Variants in BICDL2 observed in about 807,000 individuals in gnomAD.
The protein encoded by BICDL2 is BICD family like cargo adaptor 2, also known as BICD family-like cargo adapter 2.
In BICDL2, 62 loss-of-function variants were observed where a neutral mutation model predicts 56.6. The observed-to-expected ratio is 1.10, with a 90% CI of 0.89 to 1.35. BICDL2 has a LOEUF of 1.35. Ranked by LOEUF, BICDL2 falls within the 40% of genes most tolerant of loss-of-function variation. The probability of loss-of-function intolerance (pLI) is 0.00; values close to 1 mark genes in which losing one functional copy is unlikely to be tolerated. For synonymous variants in BICDL2, 358 were observed against 319.8 expected (o/e 1.12, Z -1.27); for missense variants, 808 against 684.5 (o/e 1.18, Z -2.01).
intron 1 of BICDL2, 196 bp from the exon 2 acceptor site, chr16:3,035,722 A>C (rs1274105762): frequency 5.2e-6 from 3 of 581,510 alleles, no homozygotes; most frequent in Non-Finnish European, 9.1e-6. Context: ...CAGGAAGCAG[A>C]AGGAAATGAC....
In BICDL2 at chr16:3,030,473, C is replaced by A. The variant is rs760793889; in HGVS notation, c.738G>T (p.Arg246=). Residue 246 remains arginine (R), a synonymous_variant, in exon 5 of 10, where the codon CGG becomes CGT. Coordinates refer to ENST00000572449, the MANE Select transcript of BICDL2 (RefSeq NM_001369667.1). ...TTHEELLLLR[R]ERREHSLELE... ...CCTCCAGGCTGTGCTCCCGCCGCTC[C>A]CGCCTCAGCAGCAGCAACTCCTCGT... 5 of 1,603,654 alleles carry A rather than the reference C, an allele frequency of 3.1e-6. No homozygotes were observed.
intron 2 of BICDL2, among the ~76,000 whole-genome samples, chr16:3,034,448 T>G (rs1266157083): frequency 6.6e-6 from 1 of 151,934 alleles, no homozygotes. Flanking sequence ...CTGGCTAATT[T>G]TTTTTGTATT....
At chr16:3,032,250 A>G (rs1439976601) in intron 2 of BICDL2, 1 of 152,140 alleles carries the variant, frequency 6.6e-6, no homozygotes, top group Non-Finnish European at 1.5e-5. Flanking sequence ...CAATAACTTC[A>G]CAAAGCAGGG....
intron 6 of BICDL2, 25 bp downstream of exon 6, chr16:3,029,520 G>T: frequency 6.4e-7 from 1 of 1,560,594 alleles, no homozygotes. Flanking sequence ...GCACAGGTAA[G>T]GGGGCTGGGG....
At position 3,028,414 on chromosome 16, in the gene BICDL2, CAGGG is replaced by C. The variant is rs1567419383; in HGVS notation, c.1289_1292del (p.Ser430CysfsTer29). 4 of 1,557,758 alleles carry C rather than the reference CAGGG, an allele frequency of 2.6e-6. No homozygotes were observed. Among genetic ancestry groups the C allele is most frequent in the South Asian group, 2.3e-5 (2 of 86,348 alleles). Reference sequence around the variant, plus strand: ...GGATGGCGCGCAGCAGCTCCCGAGACAGGGAGTCTCGCTCCAGCGAGACGCGGTT... The same window carrying C: ...GGATGGCGCGCAGCAGCTCCCGAGACAGTCTCGCTCCAGCGAGACGCGGTT... On this transcript the variant is annotated frameshift_variant, in exon 9 of 10. Coordinates refer to ENST00000572449, the MANE Select transcript of BICDL2 (RefSeq NM_001369667.1). LOFTEE classifies it high-confidence loss of function.
intron 1 of BICDL2, chr16:3,036,570 C>T (rs1434329535): frequency 4.4e-6 from 2 of 451,660 alleles, no homozygotes; most frequent in East Asian, 7.0e-5. Context: ...CCAGGCCGCT[C>T]CCGGGGACCT....
Position 3,031,058 on chromosome 16 carries a change from C to T in BICDL2, c.375G>A (p.Val125=), listed in dbSNP as rs750533344. 2.6e-6 allele frequency: 4 copies of T among 1,538,596 alleles called. No homozygotes were observed. The highest frequency in any genetic ancestry group is 2.4e-5 in the South Asian group (2 of 84,114). Residue 125 remains valine (V), a synonymous_variant, in exon 3 of 10, where the codon GTG becomes GTA. Transcript: ENST00000572449. Reference sequence around the variant, plus strand: ...CCCCAAGCTGGGCCCGCAGGGCCTCCACGTCCCCCTCCAGCTCCACGGCCC... The same window carrying T: ...CCCCAAGCTGGGCCCGCAGGGCCTCTACGTCCCCCTCCAGCTCCACGGCCC... ...EARAVELEGD[V]EALRAQLGEQ...
intron 2 of BICDL2, 22 bp from the exon 3 acceptor site, chr16:3,031,172 G>C (rs1596483028): frequency 2.0e-6 from 3 of 1,530,012 alleles, no homozygotes; most frequent in African/African-American, 2.7e-5. Context: ...AGGGCAGAGG[G>C]ACAGAGGCAG....
chr16:3,031,369 G>T (rs1596483145), intron 2 of BICDL2: 1 of 583,158 alleles, frequency 1.7e-6, no homozygotes, highest in East Asian at 2.8e-5. Flanking sequence ...CGTGGGCCCG[G>T]GGCAAGGGTT....
intron 1 of BICDL2, chr16:3,036,295 C>A (rs1185849082): frequency 4.4e-6 from 2 of 452,540 alleles, no homozygotes; most frequent in Non-Finnish European, 4.4e-6. Context: ...GCCGCCCGGC[C>A]GCAGCGCGGC....
At chr16:3,036,284 G>A (rs1204018857) in intron 1 of BICDL2, 2 of 452,240 alleles carry the variant, frequency 4.4e-6, no homozygotes, top group South Asian at 1.6e-5. Flanking sequence ...AGGTTGTGCC[G>A]GCCGCCCGGC....
intron 2 of BICDL2, chr16:3,034,978 G>T: frequency 1.9e-6 from 1 of 522,632 alleles, no homozygotes; most frequent in Admixed American, 3.3e-5. Flanking sequence ...CCAAAGTGCT[G>T]GGATTACAGG....
Position 3,028,552 on chromosome 16 carries a change from G to A in BICDL2, c.1239-84C>T. The A allele has an allele frequency of 2.0e-6, 3 of 1,534,522 alleles. No homozygotes were observed. The Admixed American group carries it at 6.5e-5, about 33-fold the overall frequency. The stretch of plus-strand genomic sequence containing the variant: ...TGGCGGGGGACTTCTGTACCCGGGC[G>A]GGAGGAGGGCTGCAAACACCTAGAT... On this transcript the variant is annotated intron_variant, in intron 8 of 9. Coordinates refer to ENST00000572449, the MANE Select transcript of BICDL2 (RefSeq NM_001369667.1).
intron 1 of BICDL2, 116 bp downstream of exon 1, chr16:3,036,778 G>A (rs1955739129): frequency 2.8e-6 from 1 of 356,668 alleles, no homozygotes; most frequent in African/African-American, 2.3e-5. Flanking sequence ...CGGTTCCCCG[G>A]CGATCCCGGT....
rs1048385663 is a variant in BICDL2, at chr16:3,036,896, G to C, written c.-33C>G. ...CTCGGCGTCCCCCAGGCTCTCACCC[G>C]AAGCCGCCGGGCTCCCTCCGAGGTC... On this transcript the variant is annotated splice_region_variant and 5_prime_UTR_variant, in exon 1 of 10. Transcript: ENST00000572449. 3.0e-5 allele frequency: 8 copies of C among 264,296 alleles called. No homozygotes were observed. The highest frequency in any genetic ancestry group is 6.0e-5 in the Non-Finnish European group (8 of 134,452). 16.4% of individuals were successfully genotyped at this position (264,296 alleles called of 1,614,324 possible).
rs1955620314 is a variant in BICDL2 at position 3,029,583 on chromosome 16, C to A, written c.919G>T (p.Asp307Tyr). 6.5e-7 allele frequency: 1 copy of A among 1,544,072 alleles called. No homozygotes were observed. Among genetic ancestry groups the A allele is most frequent in the Non-Finnish European group, 8.7e-7 (1 of 1,148,798 alleles). The change falls in exon 6 of 10, where the codon GAC (aspartate) becomes TAC (tyrosine). Residue 307 changes from aspartate to tyrosine, a missense_variant. Asp to Tyr is a radical substitution (Grantham distance 160). Coordinates refer to ENST00000572449, the MANE Select transcript of BICDL2 (RefSeq NM_001369667.1). ...SELAHSLDDG[D>Y]QGQGADAPGD... ...GGTGCGTCGGCGCCCTGGCCCTGGT[C>A]GCCGTCGTCGAGGCTGTGGGCCAGT...
intron 2 of BICDL2, 26 bp downstream of exon 2, chr16:3,035,189 A>ACCCCCCCCCCCCCCCCCCCCCCCCC: frequency 1.7e-5 from 1 of 57,702 alleles, no homozygotes; most frequent in South Asian, 1.3e-4. Flanking sequence ...CCACCCACCC[A>ACCCCCCCCCCCCCCCCCCCCCCCCC]CCCACCCCGT....
chr16:3,028,552 G>C (rs1955594215), intron 8 of BICDL2, 84 bp from the exon 9 acceptor site: 6 of 1,534,522 alleles, frequency 3.9e-6, no homozygotes, highest in Non-Finnish European at 5.2e-6. Context: ...GTACCCGGGC[G>C]GGAGGAGGGC....
chr16:3,030,659 T>A, intron 4 of BICDL2, 37 bp downstream of exon 4: 2 of 1,597,444 alleles, frequency 1.3e-6, no homozygotes. Flanking sequence ...CCGGCTTTTT[T>A]GGCTCAGATA....
Sources: allele counts gnomAD v4.1 joint callset (sites outside exome capture counted in the v4.1 genomes callset), GRCh38; gene constraint gnomAD v4.1.1; transcripts MANE v1.5; gene names NCBI Gene and HGNC (gene_info 2026-07-23, HGNC 2026-07-21).